Variants in MAP3K1 observed in about 807,000 individuals in gnomAD.
The protein encoded by MAP3K1 is MAP/ERK kinase kinase 1.
A neutral mutation model predicts 144.2 loss-of-function variants in MAP3K1; 36 were observed. The observed-to-expected ratio is 0.25, with a 90% CI of 0.19 to 0.33. MAP3K1 has a LOEUF of 0.33. Ranked by LOEUF, MAP3K1 falls within the 10% of genes least tolerant of loss-of-function variation. The pLI is 1.00. For missense variants in MAP3K1, 1,650 were observed against 1,881.9 expected, an observed-to-expected ratio of 0.88 and a Z score of 2.28; for synonymous variants, 718 against 688.7, an observed-to-expected ratio of 1.04 and a Z score of -0.67.
intron 1 of MAP3K1, among the ~76,000 whole-genome samples, chr5:56,851,415 A>G (rs1030435408): frequency 6.6e-6 from 1 of 152,112 alleles, no homozygotes; most frequent in African/African-American, 2.4e-5. Flanking sequence ...CAGCATGTAC[A>G]CTTGGCCCGT....
chr5:56,860,008 C>T lies in MAP3K1; in HGVS notation c.834+93C>T, dbSNP rs1382940291. On this transcript the variant is annotated intron_variant, in intron 3 of 19. Transcript: ENST00000399503. ...ACTGGCCAGCCATCTGTTAGAACATCAGTTTTCAAAATATGATCTGCAGAC... is the reference window on the plus strand; with the variant it reads ...ACTGGCCAGCCATCTGTTAGAACATTAGTTTTCAAAATATGATCTGCAGAC... The T allele has an allele frequency of 2.6e-6, 3 of 1,153,590 alleles. No homozygotes were observed. The African/African-American group carries it at 4.6e-5, about 18-fold the overall frequency. 71.5% of individuals were successfully genotyped at this position (1,153,590 alleles called of 1,614,324 possible).
intron 18 of MAP3K1, chr5:56,887,896 A>C (rs1748433344): frequency 2.3e-6 from 1 of 438,086 alleles, no homozygotes; most frequent in South Asian, 2.3e-5. Flanking sequence ...GAGTTTAAGC[A>C]TTGTTCTTCT....
At chr5:56,852,256 C>T (rs1329684729) in intron 1 of MAP3K1, among the ~76,000 whole-genome samples, 2 of 152,118 alleles carry the variant, frequency 1.3e-5, no homozygotes, top group African/African-American at 4.8e-5. Context: ...GAGAAAAAGA[C>T]CTCATAGAAG....
At position 56,881,251 on chromosome 5, in the gene MAP3K1, A is replaced by G; in HGVS notation, c.2348A>G (p.Gln783Arg). The G allele has an allele frequency of 6.2e-7, 1 of 1,613,510 alleles. No homozygotes were observed. The highest frequency in any genetic ancestry group is 8.5e-7 in the Non-Finnish European group (1 of 1,179,790). ...CATATTGTCAGTACTGATGTTTCAC[A>G]AGCTGAGCCTGTTGAAATCAGGTAA... ...YPHIVSTDVS[Q>R]AEPVEIRYKK... is the part of the protein sequence containing the mutation. The change falls in exon 13 of 20, where the codon CAA becomes CGA. Residue 783 changes from glutamine (Q) to arginine (R), a missense_variant. Around this residue, in one of 6 missense-constraint regions of MAP3K1, gnomAD observed 841 missense variants for 886.5 expected, o/e 0.95. Coordinates refer to ENST00000399503, the MANE Select transcript of MAP3K1 (RefSeq NM_005921.2).
chr5:56,829,984 G>A (rs1171025594), intron 1 of MAP3K1, among the ~76,000 whole-genome samples: 1 of 152,200 alleles, frequency 6.6e-6, no homozygotes, highest in East Asian at 1.9e-4. Flanking sequence ...TTGAGCTCAG[G>A]TCCAAAAAAG....
chr5:56,826,266 A>G (rs1233922875), intron 1 of MAP3K1, among the ~76,000 whole-genome samples: 1 of 152,202 alleles, frequency 6.6e-6, no homozygotes, highest in Non-Finnish European at 1.5e-5. Flanking sequence ...TGTAGAAATC[A>G]GTGCTGTACT....
In MAP3K1 at chr5:56,859,732, A is replaced by G; in HGVS notation, c.651A>G (p.Pro217=). 6.2e-7 allele frequency: 1 copy of G among 1,613,942 alleles called. No individual in the cohort carries two copies. The highest frequency in any genetic ancestry group is 8.5e-7 in the Non-Finnish European group (1 of 1,179,898). ...RRGPVVVKPI[P]VKGDGSEMNH... ...TGATTCAGGTGGTAAAACCAATCCC[A>G]GTTAAAGGAGATGGATCTGAAATGA... Residue 217 remains proline, a synonymous_variant, in exon 3 of 20, where the codon CCA becomes CCG. Coordinates refer to ENST00000399503, the MANE Select transcript of MAP3K1 (RefSeq NM_005921.2).
intron 3 of MAP3K1, among the ~76,000 whole-genome samples, chr5:56,862,574 A>G (rs975892304): frequency 3.3e-5 from 5 of 152,172 alleles, no homozygotes; most frequent in African/African-American, 1.2e-4. Flanking sequence ...AGCTGGATAA[A>G]TCATGGTTTA....
chr5:56,880,432 CT>C (rs1488623996), intron 11 of MAP3K1, among the ~76,000 whole-genome samples: 1 of 152,028 alleles, frequency 6.6e-6, no homozygotes, highest in African/African-American at 2.4e-5. Context: ...AAATATAAGA[CT>C]TTTATCTGAT....
Position 56,886,129 on chromosome 5 carries a change from C to G in MAP3K1, c.4114+66C>G, listed in dbSNP as rs142392946. On this transcript the variant is annotated intron_variant, in intron 17 of 19. Transcript: ENST00000399503. Reference sequence around the variant, plus strand: ...ATTAATTTTAAAATTTGGGGCCAGGCACAGTGGCTCACACCTGTAATCCCA... The same window carrying G: ...ATTAATTTTAAAATTTGGGGCCAGGGACAGTGGCTCACACCTGTAATCCCA... 6.2e-3 allele frequency: 7,662 copies of G among 1,245,756 alleles called. 34 individuals are homozygous for G. Among genetic ancestry groups the G allele is most frequent in the Middle Eastern group, 0.023 (100 of 4,296 alleles). The allele number at this position is 1,245,756 out of a possible 1,614,324, so 77.2% of individuals were successfully genotyped here. A position where few individuals can be genotyped will look rare whatever the true frequency, so the allele number is the denominator to read the frequency against.
At chr5:56,844,625 G>T (rs1040967749) in intron 1 of MAP3K1, among the ~76,000 whole-genome samples, 1 of 152,040 alleles carries the variant, frequency 6.6e-6, no homozygotes, top group Non-Finnish European at 1.5e-5. Flanking sequence ...TAAAATTAAG[G>T]ATGGAGATCA....
At chr5:56,831,210 T>C (rs780646981) in intron 1 of MAP3K1, among the ~76,000 whole-genome samples, 1 of 149,492 alleles carries the variant, frequency 6.7e-6, no homozygotes, top group Non-Finnish European at 1.5e-5. Flanking sequence ...TTTAGGATCA[T>C]GTGTGTGAAT....
intron 1 of MAP3K1, among the ~76,000 whole-genome samples, chr5:56,823,199 T>C (rs1233665409): frequency 2.0e-5 from 3 of 152,220 alleles, no homozygotes; most frequent in Non-Finnish European, 2.9e-5. Context: ...CCCTGCCCGG[T>C]TGGGCCCCTG....
chr5:56,885,111 C>T (rs1301993730), intron 16 of MAP3K1, among the ~76,000 whole-genome samples: 1 of 151,990 alleles, frequency 6.6e-6, no homozygotes, highest in East Asian at 1.9e-4. Context: ...ATGTATATTT[C>T]CAGGTAGCCA....
Position 56,893,802 on chromosome 5 carries a change from T to A in MAP3K1, c.*122T>A. On this transcript the variant is annotated 3_prime_UTR_variant, in exon 20 of 20. Coordinates refer to ENST00000399503, the MANE Select transcript of MAP3K1 (RefSeq NM_005921.2). ...ACTGAACAGCTATGAACGAGGCCAG[T>A]GGGGAACCCTTACCTAAGTATGTGA... is the stretch of plus-strand genomic sequence containing the variant. 3.8e-6 allele frequency: 4 copies of A among 1,042,814 alleles called. No individual in the cohort carries two copies. The South Asian group carries it at 4.0e-5, about 11-fold the overall frequency. 64.6% of individuals were successfully genotyped at this position (1,042,814 alleles called of 1,614,324 possible). A position where few individuals can be genotyped will look rare whatever the true frequency, so the allele number is the denominator to read the frequency against.
Position 56,859,839 on chromosome 5 carries a change from C to T in MAP3K1, c.758C>T (p.Pro253Leu). 1 of 1,613,914 alleles carries T rather than the reference C, an allele frequency of 6.2e-7. No homozygotes were observed. Among genetic ancestry groups the T allele is most frequent in the East Asian group, 2.2e-5 (1 of 44,846 alleles). ...PASKGRRSPS[P>L]GNSPSGRTVK... ...TCCAAAGGCCGACGCAGTCCTTCTC[C>T]TGGCAACTCCCCATCAGGTCGCACA... The change falls in exon 3 of 20, where the codon CCT becomes CTT. Residue 253 changes from proline (P) to leucine (L), a missense_variant. Coordinates refer to ENST00000399503, the MANE Select transcript of MAP3K1 (RefSeq NM_005921.2).
At position 56,881,910 on chromosome 5, in the gene MAP3K1, T is replaced by G; in HGVS notation, c.2710T>G (p.Cys904Gly). ...AACCACAGAGAACAGTTCCCCTGAG[T>G]GCACAGTCCATTTAGAGAAAACTGG... ...LETTENSSPECTVHLEKTGKG... is the reference protein window; with the variant it reads ...LETTENSSPEGTVHLEKTGKG... The change falls in exon 14 of 20, where the codon TGC becomes GGC. Residue 904 changes from cysteine to glycine, a missense_variant. Physicochemically the swap from Cys to Gly is radical, Grantham distance 159. Coordinates refer to ENST00000399503, the MANE Select transcript of MAP3K1 (RefSeq NM_005921.2). The G allele has an allele frequency of 1.2e-6, 2 of 1,613,948 alleles. No individual in the cohort carries two copies. The highest frequency in any genetic ancestry group is 2.2e-5 in the South Asian group (2 of 91,050).
chr5:56,816,597 G>A (rs1745977881), intron 1 of MAP3K1, among the ~76,000 whole-genome samples: 1 of 152,132 alleles, frequency 6.6e-6, no homozygotes, highest in Non-Finnish European at 1.5e-5. Context: ...GAGCCCCTCG[G>A]CCCGCCCGGG....
intron 10 of MAP3K1, among the ~76,000 whole-genome samples, chr5:56,876,815 A>G (rs187350396): frequency 1.3e-5 from 2 of 152,242 alleles, no homozygotes; most frequent in Non-Finnish European, 2.9e-5. Context: ...TTAATATTAT[A>G]TAATAGTTAT....
Sources: gnomAD v4.1 joint callset for allele counts (sites outside exome capture counted in the v4.1 genomes callset) on GRCh38, gnomAD v4.1.1 for gene constraint, gnomAD v4.1.1 regional missense constraint, MANE v1.5 for transcripts, NCBI Gene and HGNC (gene_info 2026-07-23, HGNC 2026-07-21) for gene names.